KCNIP4: variants seen among roughly 807,000 people sequenced by gnomAD.
KCNIP4 encodes Kv channel-interacting protein 4.
KCNIP4 carries 12 observed loss-of-function variants against 34.0 expected under a neutral mutation model. The ratio of observed to expected loss-of-function variants is 0.35; its 90% CI spans 0.23 to 0.57. The LOEUF (loss-of-function observed/expected upper bound fraction) is 0.57. Among genes scored for constraint, KCNIP4 ranks in the 20% least tolerant of loss-of-function variants. The pLI is 0.83. For synonymous variants in KCNIP4, 124 were observed against 102.2 expected, an observed-to-expected ratio of 1.21 and a Z score of -1.29; for missense variants, 238 against 311.7, an observed-to-expected ratio of 0.76 and a Z score of 1.78.
chr4:21,356,419 A>G (rs1045316419), intron 1 of KCNIP4, among the ~76,000 whole-genome samples: 3 of 152,182 alleles, frequency 2.0e-5, no homozygotes, highest in Non-Finnish European at 4.4e-5. Flanking sequence ...AGAAAACCCC[A>G]TCGTCTCAGC....
chr4:21,089,642 G>C lies in KCNIP4; in HGVS notation c.62-206933C>G, dbSNP rs558028799. On this transcript the variant is annotated intron_variant, in intron 1 of 8. Transcript: ENST00000382152. ...TATCAAAAAGTAAAAAACTGGGAAA[G>C]GCCACAACTTCCACAACAAATCTTG... Among the ~76,000 whole-genome samples, 7 of 152,258 alleles carry C rather than the reference G, an allele frequency of 4.6e-5. No individual in the cohort carries two copies. The East Asian group carries it at 1.4e-3, about 30-fold the overall frequency.
chr4:21,226,250 G>A (rs1758378653), intron 1 of KCNIP4, among the ~76,000 whole-genome samples: 1 of 107,976 alleles, frequency 9.3e-6, no homozygotes, highest in African/African-American at 3.6e-5. Context: ...AGGGGGGGAG[G>A]GAGGGAGGGA....
chr4:21,754,130 G>T (rs774378619), intron 1 of KCNIP4, among the ~76,000 whole-genome samples: 5 of 152,178 alleles, frequency 3.3e-5, no homozygotes, highest in Non-Finnish European at 5.9e-5. Flanking sequence ...ACAAAGCATT[G>T]TACCTTCAAT....
chr4:21,323,715 C>T (rs760159377), intron 1 of KCNIP4, among the ~76,000 whole-genome samples: 5 of 151,886 alleles, frequency 3.3e-5, no homozygotes, highest in Non-Finnish European at 5.9e-5. Context: ...AATAGTGCTG[C>T]GAAAAATATG....
chr4:21,748,311 C>G (rs1716917393), intron 1 of KCNIP4, among the ~76,000 whole-genome samples: 1 of 152,134 alleles, frequency 6.6e-6, no homozygotes, highest in Admixed American at 6.6e-5. Flanking sequence ...AACAGAGCCT[C>G]TCCAAATAGC....
intron 1 of KCNIP4, among the ~76,000 whole-genome samples, chr4:21,396,211 G>A (rs531826727): frequency 2.0e-5 from 3 of 151,654 alleles, no homozygotes; most frequent in South Asian, 2.1e-4. Context: ...TATCAGTTCA[G>A]TCTTCCCCAA....
intron 3 of KCNIP4, among the ~76,000 whole-genome samples, chr4:20,821,944 T>C (rs1402374714): frequency 2.0e-5 from 3 of 152,154 alleles, no homozygotes; most frequent in African/African-American, 4.8e-5. Flanking sequence ...CACTTACGGT[T>C]CCACATCTTT....
chr4:21,795,620 T>C (rs956656230), intron 1 of KCNIP4, among the ~76,000 whole-genome samples: 1 of 152,228 alleles, frequency 6.6e-6, no homozygotes. Flanking sequence ...TTGGATGCCA[T>C]TTATATGGGA....
rs527612814 is a variant in KCNIP4, at chr4:21,010,525, A to G, written c.62-127816T>C. Among the ~76,000 whole-genome samples the G allele has an allele frequency of 2.0e-5, 3 of 152,178 alleles. No individual in the cohort carries two copies. The East Asian group carries it at 5.8e-4, about 29-fold the overall frequency. On this transcript the variant is annotated intron_variant, in intron 1 of 8. Coordinates refer to ENST00000382152, the MANE Select transcript of KCNIP4 (RefSeq NM_025221.6). Reference sequence around the variant, plus strand: ...CAGGAAAATCCCTGACCTTTATGCGATGAATTTGATTTTGGGAAATAGCAA... The same window carrying G: ...CAGGAAAATCCCTGACCTTTATGCGGTGAATTTGATTTTGGGAAATAGCAA...
chr4:21,463,728 G>A (rs1401687376), intron 1 of KCNIP4, among the ~76,000 whole-genome samples: 3 of 151,908 alleles, frequency 2.0e-5, no homozygotes, highest in Non-Finnish European at 2.9e-5. Flanking sequence ...CTCCTAGAAT[G>A]GGTTTGGAAA....
At chr4:21,377,084 T>C (rs1052717603) in intron 1 of KCNIP4, among the ~76,000 whole-genome samples, 3 of 152,212 alleles carry the variant, frequency 2.0e-5, no homozygotes, top group African/African-American at 7.2e-5. Context: ...ATTTGTCTTC[T>C]CTGAATATGC....
intron 1 of KCNIP4, among the ~76,000 whole-genome samples, chr4:20,990,570 T>A (rs1182387090): frequency 6.6e-6 from 1 of 152,204 alleles, no homozygotes; most frequent in Non-Finnish European, 1.5e-5. Flanking sequence ...TCCTCATGAA[T>A]CTTATGATCA....
intron 1 of KCNIP4, among the ~76,000 whole-genome samples, chr4:21,504,465 C>CAAAAAAAAAAAAAAAAAAAAAAAAAAAA (rs376644707): frequency 8.9e-5 from 5 of 56,346 alleles, no homozygotes; most frequent in African/African-American, 1.7e-4. Context: ...GACTCCAACT[C>CAAAAAAAAAAAAAAAAAAAAAAAAAAAA]AAAAAAAAAA....
intron 1 of KCNIP4, among the ~76,000 whole-genome samples, chr4:21,648,634 C>T (rs932050056): frequency 1.4e-4 from 22 of 152,228 alleles, no homozygotes; most frequent in African/African-American, 4.8e-4. Flanking sequence ...ATTAGAGACA[C>T]ATTCAATAGA....
At chr4:21,930,683 G>C (rs889878281) in intron 1 of KCNIP4, among the ~76,000 whole-genome samples, 4 of 152,014 alleles carry the variant, frequency 2.6e-5, no homozygotes, top group African/African-American at 9.7e-5. Flanking sequence ...TCCTCCACTT[G>C]ATAAATCTCA....
At chr4:21,346,079 TTTAAGATATTTAAGATATCTTAA>T (rs1560311053) in intron 1 of KCNIP4, among the ~76,000 whole-genome samples, 29 of 128,124 alleles carry the variant, frequency 2.3e-4, no homozygotes, top group East Asian at 1.1e-3. Flanking sequence ...AATATATATA[TTTAAGATATTTAAGATATCTTAA>T]ATATATATAA....
chr4:21,341,744 C>A (rs1716785388), intron 1 of KCNIP4, among the ~76,000 whole-genome samples: 1 of 152,090 alleles, frequency 6.6e-6, no homozygotes, highest in African/African-American at 2.4e-5. Context: ...GGCCTCAAGT[C>A]TTTGGCAAAG....
intron 1 of KCNIP4, among the ~76,000 whole-genome samples, chr4:21,830,991 A>G (rs1048233928): frequency 2.0e-5 from 3 of 152,320 alleles, no homozygotes; most frequent in South Asian, 2.1e-4. Flanking sequence ...CTAGAAATCA[A>G]TAACAGGAGA....
intron 1 of KCNIP4, among the ~76,000 whole-genome samples, chr4:21,104,344 GTGA>G (rs1388394298): frequency 1.3e-5 from 2 of 152,200 alleles, no homozygotes; most frequent in African/African-American, 4.8e-5. Context: ...CTCATGGCCA[GTGA>G]TGATGAACAT....
Sources: gnomAD v4.1 joint callset for allele counts (sites outside exome capture counted in the v4.1 genomes callset) on GRCh38, gnomAD v4.1.1 for gene constraint, MANE v1.5 for transcripts, NCBI Gene and HGNC (gene_info 2026-07-23, HGNC 2026-07-21) for gene names.